Variants in PPFIBP2 observed in about 807,000 individuals in gnomAD.
The protein encoded by PPFIBP2 is liprin-beta-2.
PPFIBP2 carries 118 observed loss-of-function variants against 118.3 expected under a neutral mutation model. That is an observed-to-expected ratio of 1.00 (90% CI 0.86 to 1.16). The LOEUF is 1.16. Among genes scored for constraint, PPFIBP2 ranks in the 50% most tolerant of loss-of-function variants. The probability of loss-of-function intolerance (pLI) is 0.00; values close to 1 mark genes in which losing one functional copy is unlikely to be tolerated. For missense variants in PPFIBP2, 1,195 were observed against 1,073.1 expected (o/e 1.11, Z -1.59); for synonymous variants, 414 against 397.4 (o/e 1.04, Z -0.50).
intron 5 of PPFIBP2, among the ~76,000 whole-genome samples, chr11:7,609,489 A>C (rs1847805985): frequency 6.6e-6 from 1 of 152,094 alleles, no homozygotes; most frequent in Non-Finnish European, 1.5e-5. Context: ...GTCCTTTATA[A>C]TTCATATTAC....
intron 5 of PPFIBP2, among the ~76,000 whole-genome samples, chr11:7,604,285 A>T (rs192234628): frequency 1.3e-5 from 2 of 152,332 alleles, no homozygotes; most frequent in East Asian, 3.9e-4. Context: ...AAAGGGCGAG[A>T]CAGTTAAGAT....
intron 6 of PPFIBP2, among the ~76,000 whole-genome samples, chr11:7,610,836 T>A (rs1288369312): frequency 6.6e-6 from 1 of 152,252 alleles, no homozygotes; most frequent in Non-Finnish European, 1.5e-5. Context: ...TGCGTTTCAC[T>A]GACCCAGATG....
At chr11:7,625,750 G>A in intron 7 of PPFIBP2, 27 bp from the exon 8 acceptor site, 1 of 1,596,910 alleles carries the variant, frequency 6.3e-7, no homozygotes, top group Non-Finnish European at 8.6e-7. Flanking sequence ...CTTCTGACCT[G>A]GTAGGGATCC....
downstream of PPFIBP2, chr11:7,656,797 G>T (rs1201891234): frequency 1.3e-5 from 17 of 1,289,834 alleles, no homozygotes; most frequent in Middle Eastern, 2.1e-4. Flanking sequence ...GACTGGAGAT[G>T]ACTTTCTTCG....
At chr11:7,567,205 G>A (rs1855096462) in intron 3 of PPFIBP2, among the ~76,000 whole-genome samples, 1 of 152,136 alleles carries the variant, frequency 6.6e-6, no homozygotes, top group African/African-American at 2.4e-5. Flanking sequence ...TCTTCCTCTA[G>A]TAAGTTTATG....
Position 7,651,819 on chromosome 11 carries a change from C to T in PPFIBP2, c.2411C>T (p.Pro804Leu), listed in dbSNP as rs1188610394. The change falls in exon 23 of 24, where the codon CCA (proline) becomes CTA (leucine). Residue 804 changes from proline to leucine, a missense_variant. By Grantham distance (98) the Pro-to-Leu change is moderately conservative (BLOSUM62 -3). Coordinates refer to ENST00000299492, the MANE Select transcript of PPFIBP2 (RefSeq NM_003621.5). ...REKMASPAYT[P>L]LTTTAKVRPR... ...AAAATGGCCTCACCAGCTTACACACCACTGACCACCACAGCCAAAGTCCGG... is the reference window on the plus strand; with the variant it reads ...AAAATGGCCTCACCAGCTTACACACTACTGACCACCACAGCCAAAGTCCGG... The T allele has an allele frequency of 1.2e-6, 2 of 1,612,156 alleles. No individual in the cohort carries two copies. The highest frequency in any genetic ancestry group is 1.7e-5 in the Admixed American group (1 of 60,004).
chr11:7,617,101 C>T (rs2135562133), intron 6 of PPFIBP2: 1 of 985,182 alleles, frequency 1.0e-6, no homozygotes, highest in Middle Eastern at 5.2e-4. Context: ...TCTTTCTTTT[C>T]CTTCCTACAG....
At chr11:7,651,008 G>A in intron 22 of PPFIBP2, 43 bp downstream of exon 22, 1 of 1,587,164 alleles carries the variant, frequency 6.3e-7, no homozygotes, top group Non-Finnish European at 8.6e-7. Context: ...TGGTGCAAAT[G>A]GGATATTCAG....
chr11:7,655,467 G>A, downstream of PPFIBP2: 1 of 1,289,734 alleles, frequency 7.8e-7, no homozygotes, highest in Non-Finnish European at 1.0e-6. Context: ...ACGCAGATAG[G>A]GCTCCTCTCC....
At chr11:7,651,142 C>T (rs1853938671) in intron 22 of PPFIBP2, 177 bp downstream of exon 22, 3 of 613,838 alleles carry the variant, frequency 4.9e-6, no homozygotes, top group African/African-American at 1.9e-5. Flanking sequence ...ATTAATATAC[C>T]TCATGGAAGC....
At chr11:7,626,093 G>T (rs368094654) in intron 8 of PPFIBP2, among the ~76,000 whole-genome samples, 3 of 152,188 alleles carry the variant, frequency 2.0e-5, no homozygotes, top group African/African-American at 4.8e-5. Flanking sequence ...ATAATGCAGC[G>T]CTCTTGTGGA....
chr11:7,610,097 G>C (rs1847881837), intron 5 of PPFIBP2, among the ~76,000 whole-genome samples, 194 bp from the exon 6 acceptor site: 1 of 152,136 alleles, frequency 6.6e-6, no homozygotes, highest in South Asian at 2.1e-4. Context: ...GGTGGTATTG[G>C]GGGTGCGCTA....
At position 7,577,345 on chromosome 11, in the gene PPFIBP2, G is replaced by GTGTGTGTGTA. The variant is rs1256369683; in HGVS notation, c.279+11585_279+11586insGTATGTGTGT. 472 of 333,818 alleles carry GTGTGTGTGTA rather than the reference G, an allele frequency of 1.4e-3. 4 individuals carry two copies. The highest frequency in any genetic ancestry group is 8.0e-3 in the African/African-American group (363 of 45,234). The allele number at this position is 333,818 out of a possible 1,614,324, so 20.7% of individuals were successfully genotyped here. A position where few individuals can be genotyped will look rare whatever the true frequency, so the allele number is the denominator to read the frequency against. On this transcript the variant is annotated intron_variant, in intron 3 of 23. Coordinates refer to ENST00000299492, the MANE Select transcript of PPFIBP2 (RefSeq NM_003621.5). ...CGTGTGTGTGTGTGTGTGTGTGTGT[G>GTGTGTGTGTA]TGTGTGTTTGTTGGGGTGGTCGGGG...
chr11:7,545,724 T>A (rs1452928200), intron 1 of PPFIBP2, among the ~76,000 whole-genome samples: 1 of 152,178 alleles, frequency 6.6e-6, no homozygotes, highest in Non-Finnish European at 1.5e-5. Flanking sequence ...CCTTCCAGTT[T>A]GCTAGCACAG....
At chr11:7,598,099 TATAA>T (rs981365130) in intron 5 of PPFIBP2, 5 of 155,974 alleles carry the variant, frequency 3.2e-5, no homozygotes, top group African/African-American at 1.2e-4. Flanking sequence ...AAAAATATTA[TATAA>T]ATAACCTTTT....
At chr11:7,650,005 G>A (rs2136004790) in intron 21 of PPFIBP2, among the ~76,000 whole-genome samples, 1 of 152,288 alleles carries the variant, frequency 6.6e-6, no homozygotes, top group Admixed American at 6.5e-5. Flanking sequence ...CAGAGGAGGG[G>A]GAAGAGGAGC....
At chr11:7,636,687 C>T (rs146411360) in intron 14 of PPFIBP2, among the ~76,000 whole-genome samples, 17 of 152,230 alleles carry the variant, frequency 1.1e-4, no homozygotes, top group East Asian at 1.9e-4. Context: ...AGGTTTAAGA[C>T]GCCAATTTGA....
intron 5 of PPFIBP2, among the ~76,000 whole-genome samples, chr11:7,598,836 C>G (rs553973716): frequency 1.1e-4 from 15 of 135,680 alleles, no homozygotes; most frequent in African/African-American, 4.3e-4. Context: ...GGTCTCATGA[C>G]AAATGTCATG....
chr11:7,652,954 G>C (rs914949817), intron 23 of PPFIBP2, 70 bp from the exon 24 acceptor site: 69 of 1,480,832 alleles, frequency 4.7e-5, no homozygotes, highest in Non-Finnish European at 2.2e-5. Context: ...TAAATTTTAA[G>C]TATATTGTCA....
Sources: gnomAD v4.1 joint callset for allele counts (sites outside exome capture counted in the v4.1 genomes callset) on GRCh38, gnomAD v4.1.1 for gene constraint, MANE v1.5 for transcripts, NCBI Gene and HGNC (gene_info 2026-07-23, HGNC 2026-07-21) for gene names.